RGS6: variants seen among roughly 807,000 people sequenced by gnomAD.
RGS6 encodes regulator of G-protein signaling 6.
RGS6 carries 30 observed loss-of-function variants against 78.5 expected under a neutral mutation model. That is an observed-to-expected ratio of 0.38 (90% CI 0.29 to 0.52). The LOEUF (loss-of-function observed/expected upper bound fraction) is 0.52, where lower values mean the gene tolerates loss of function less well. Ranked by LOEUF, RGS6 falls within the 20% of genes least tolerant of loss-of-function variation. RGS6 has a pLI of 0.85. For missense variants in RGS6, 495 were observed against 609.7 expected, an observed-to-expected ratio of 0.81 and a Z score of 1.98; for synonymous variants, 206 against 206.0, an observed-to-expected ratio of 1.00 and a Z score of 0.00.
rs1394692203 is a variant in RGS6, at chr14:72,465,614, GTGGATGGGTGGA to G, written c.395-136_395-125del. The G allele has an allele frequency of 1.1e-5, 6 of 569,786 alleles. No homozygotes were observed. In the African/African-American group the frequency reaches 1.3e-4, roughly 12 times the overall value. The allele number at this position is 569,786 out of a possible 1,614,324, so 35.3% of individuals were successfully genotyped here. ...GATGGATGGATGGTTGGGTGGATGG[GTGGATGGGTGGA>G]TGGATGGATGGATGGATGGATGGAT... On this transcript the variant is annotated intron_variant, in intron 6 of 17. Transcript: ENST00000553525.
chr14:72,005,942 C>T (rs2084468657), intron 2 of RGS6, among the ~76,000 whole-genome samples: 1 of 151,960 alleles, frequency 6.6e-6, no homozygotes, highest in Admixed American at 6.6e-5. Context: ...CATCATCTAC[C>T]ATTATGCTTT....
At chr14:72,195,654 G>C (rs757143988) in intron 2 of RGS6, among the ~76,000 whole-genome samples, 35 of 152,224 alleles carry the variant, frequency 2.3e-4, no homozygotes, top group Non-Finnish European at 4.6e-4. Flanking sequence ...AGGTGAGATG[G>C]TGAGTGGGTT....
intron 3 of RGS6, among the ~76,000 whole-genome samples, chr14:72,446,350 A>G (rs1224887023): frequency 1.3e-5 from 2 of 152,248 alleles, no homozygotes; most frequent in Non-Finnish European, 1.5e-5. Flanking sequence ...ACATCGATCA[A>G]ATAATTACAT....
chr14:72,366,545 A>C (rs1052661244), intron 3 of RGS6, among the ~76,000 whole-genome samples: 4 of 152,212 alleles, frequency 2.6e-5, no homozygotes, highest in East Asian at 1.9e-4. Context: ...TCCAAGGCTC[A>C]TTGGCTTTTT....
chr14:71,972,328 C>T (rs1362547617), intron 2 of RGS6, among the ~76,000 whole-genome samples: 1 of 136,504 alleles, frequency 7.3e-6, no homozygotes, highest in Admixed American at 7.5e-5. Flanking sequence ...CTTCTACTAG[C>T]CAGGGGTTTC....
At chr14:72,629,696 C>A in the RGS6 span, 2 of 1,535,978 alleles carry the variant, frequency 1.3e-6, no homozygotes, top group East Asian at 4.9e-5. Context: ...TCTTGACAGC[C>A]TCGGTCATGT....
intron 2 of RGS6, among the ~76,000 whole-genome samples, chr14:72,250,374 C>T (rs2055389200): frequency 8.3e-6 from 1 of 121,192 alleles, no homozygotes; most frequent in Middle Eastern, 6.3e-3. Flanking sequence ...GGGTTGACCT[C>T]TTGGCTTTTA....
intron 1 of RGS6, among the ~76,000 whole-genome samples, chr14:71,955,787 G>A (rs547867158): frequency 3.8e-4 from 58 of 152,170 alleles, no homozygotes; most frequent in African/African-American, 1.3e-3. Context: ...CTGTGACTTA[G>A]AATGCGTAAC....
intron 2 of RGS6, among the ~76,000 whole-genome samples, chr14:72,319,716 A>G (rs1042662849): frequency 6.6e-6 from 1 of 152,208 alleles, no homozygotes; most frequent in Non-Finnish European, 1.5e-5. Context: ...GACACTGCCG[A>G]ACATAGAATA....
chr14:72,217,378 C>A (rs963102376), intron 2 of RGS6, among the ~76,000 whole-genome samples: 1 of 152,170 alleles, frequency 6.6e-6, no homozygotes, highest in African/African-American at 2.4e-5. Flanking sequence ...ATGATGTCAT[C>A]ACAGAGCTGG....
rs568189652 is a variant in RGS6, at chr14:72,543,762, C to T, written c.1422+3668C>T. On this transcript the variant is annotated intron_variant, in intron 17 of 17. Coordinates refer to ENST00000553525, the MANE Select transcript of RGS6 (RefSeq NM_001204424.2). ...CTCACCCTCCCACTGCTTCTTGAGA[C>T]AGAGTCTCACTCTCCGAGCCTGGAG... Among the ~76,000 whole-genome samples, 33 of 152,354 alleles carry T rather than the reference C, an allele frequency of 2.2e-4. 1 individual carries two copies. Among genetic ancestry groups the T allele is most frequent in the African/African-American group, 7.7e-4 (32 of 41,588 alleles).
chr14:72,600,336 C>T, the RGS6 span, among the ~76,000 whole-genome samples: 1 of 150,650 alleles, frequency 6.6e-6, no homozygotes, highest in African/African-American at 2.4e-5. Context: ...CTCCCTCCCT[C>T]CCTCCTCTCT....
At chr14:72,272,375 C>A (rs750810011) in intron 2 of RGS6, among the ~76,000 whole-genome samples, 3 of 152,190 alleles carry the variant, frequency 2.0e-5, no homozygotes, top group Admixed American at 1.3e-4. Context: ...TTTAGCTTCT[C>A]TCCTTCAAAC....
chr14:71,998,889 G>A (rs1438966895), intron 2 of RGS6, among the ~76,000 whole-genome samples: 1 of 152,204 alleles, frequency 6.6e-6, no homozygotes, highest in Non-Finnish European at 1.5e-5. Context: ...GAAGCAGCCA[G>A]AGACCATACA....
chr14:72,400,774 G>T (rs1336597026), intron 3 of RGS6, among the ~76,000 whole-genome samples: 4 of 152,204 alleles, frequency 2.6e-5, no homozygotes, highest in Admixed American at 2.6e-4. Flanking sequence ...TTCCGTCGCT[G>T]ACAGCCCATC....
intron 2 of RGS6, among the ~76,000 whole-genome samples, chr14:72,111,014 T>C (rs955319380): frequency 2.0e-5 from 3 of 152,312 alleles, no homozygotes; most frequent in Admixed American, 6.5e-5. Context: ...CTTTAACCTA[T>C]TGGCTTTTTC....
chr14:72,463,548 G>A (rs150125668), intron 6 of RGS6, among the ~76,000 whole-genome samples: 54 of 152,302 alleles, frequency 3.5e-4, no homozygotes, highest in Non-Finnish European at 5.3e-4. Context: ...TCACAACCCC[G>A]CTGTCCCATT....
chr14:71,936,028 A>G (rs1434479402), intron 1 of RGS6, among the ~76,000 whole-genome samples: 1 of 139,748 alleles, frequency 7.2e-6, no homozygotes, highest in East Asian at 2.0e-4. Context: ...ATATATATAT[A>G]TATATATATA....
chr14:71,897,350 C>T, the RGS6 span, among the ~76,000 whole-genome samples: 31 of 152,260 alleles, frequency 2.0e-4, no homozygotes, highest in Non-Finnish European at 4.4e-4. Flanking sequence ...ATTTCCTCCT[C>T]TGTAGTATTG....
Sources: gnomAD v4.1 joint callset for allele counts (sites outside exome capture counted in the v4.1 genomes callset) on GRCh38, gnomAD v4.1.1 for gene constraint, MANE v1.5 for transcripts, NCBI Gene and HGNC (gene_info 2026-07-23, HGNC 2026-07-21) for gene names.